Variants in CCT8 observed in about 807,000 individuals in gnomAD.
CCT8 encodes the protein chaperonin containing TCP1 subunit 8, also known as T-complex protein 1 subunit theta.
Under a neutral mutation model 65.7 loss-of-function variants are expected in CCT8, and 10 were observed. The observed-to-expected ratio is 0.15, with a 90% CI of 0.09 to 0.26. CCT8 has a LOEUF of 0.26. Among genes scored for constraint, CCT8 ranks in the 10% least tolerant of loss-of-function variants. The pLI is 1.00. For missense variants in CCT8, 568 were observed against 669.1 expected, an observed-to-expected ratio of 0.85 and a Z score of 1.67; for synonymous variants, 199 against 221.8, an observed-to-expected ratio of 0.90 and a Z score of 0.92.
At chr21:29,065,192 C>A in intron 6 of CCT8, 87 bp from the exon 7 acceptor site, 2 of 1,394,406 alleles carry the variant, frequency 1.4e-6, no homozygotes, top group Non-Finnish European at 1.0e-6. Context: ...CCAAAAATAT[C>A]CCTTTCTAAA....
chr21:29,059,786 A>T (rs767394112), intron 14 of CCT8: 9 of 152,188 alleles, frequency 5.9e-5, no homozygotes, highest in Non-Finnish European at 1.3e-4. Flanking sequence ...TAAATTTGTT[A>T]TAATTACCAC....
intron 7 of CCT8, among the ~76,000 whole-genome samples, chr21:29,064,134 G>A (rs1381236706): frequency 1.3e-5 from 2 of 152,076 alleles, no homozygotes; most frequent in Non-Finnish European, 2.9e-5. Flanking sequence ...GCTAACTAGT[G>A]TTCCCAATAC....
At chr21:29,057,141 T>C (rs1439497787) in intron 14 of CCT8, among the ~76,000 whole-genome samples, 1 of 150,912 alleles carries the variant, frequency 6.6e-6, no homozygotes, top group African/African-American at 2.4e-5. Flanking sequence ...CTCACCTTAC[T>C]TTATCTAAAA....
rs1443646428 is a variant in CCT8, at chr21:29,063,340, G to A, written c.941+12C>T. The A allele has an allele frequency of 1.9e-6, 3 of 1,599,310 alleles. No individual in the cohort carries two copies. The highest frequency in any genetic ancestry group is 2.6e-6 in the Non-Finnish European group (3 of 1,174,578). The stretch of plus-strand genomic sequence containing the variant: ...ATGATATAGGTAAAAAAAAAAATCG[G>A]CTTTTTCTTACCTCACTAACATGAT... On this transcript the variant is annotated intron_variant, in intron 8 of 14. Transcript: ENST00000286788.
chr21:29,070,743 G>A (rs1168634027), intron 1 of CCT8, among the ~76,000 whole-genome samples: 2 of 152,110 alleles, frequency 1.3e-5, no homozygotes, highest in Non-Finnish European at 2.9e-5. Flanking sequence ...TTTATTAAAA[G>A]TAGTGAAAAG....
intron 14 of CCT8, among the ~76,000 whole-genome samples, chr21:29,057,649 AATAT>A (rs552401896): frequency 1.7e-5 from 2 of 119,308 alleles, no homozygotes; most frequent in Admixed American, 8.5e-5. Context: ...AACATTTGAT[AATAT>A]ATATATGATA....
At chr21:29,073,176 A>T in intron 1 of CCT8, 1 of 800,760 alleles carries the variant, frequency 1.2e-6, no homozygotes, top group Non-Finnish European at 1.6e-6. Flanking sequence ...AGACAATTTC[A>T]TCTACGTTAT....
At chr21:29,066,248 A>T (rs1286513739) in intron 6 of CCT8, among the ~76,000 whole-genome samples, 1 of 152,138 alleles carries the variant, frequency 6.6e-6, no homozygotes, top group Non-Finnish European at 1.5e-5. Context: ...TTACAAAATA[A>T]TGCCTCAAAG....
Position 29,065,115 on chromosome 21 carries a change from T to G in CCT8, c.625-10A>C. The stretch of plus-strand genomic sequence containing the variant: ...AACTGATACCAGAGCCCTAAGGAAT[T>G]GAATACCAAACTCATCAGCAATCTC... On this transcript the variant is annotated splice_polypyrimidine_tract_variant and intron_variant, in intron 6 of 14. Coordinates refer to ENST00000286788, the MANE Select transcript of CCT8 (RefSeq NM_006585.4). 1 of 1,613,136 alleles carries G rather than the reference T, an allele frequency of 6.2e-7. No individual in the cohort carries two copies. The highest frequency in any genetic ancestry group is 8.5e-7 in the Non-Finnish European group (1 of 1,179,570).
At chr21:29,066,616 G>T in intron 6 of CCT8, 100 bp downstream of exon 6, 1 of 691,664 alleles carries the variant, frequency 1.4e-6, no homozygotes, top group East Asian at 2.6e-5. Context: ...GTAACATTTA[G>T]GTTTAGATGA....
At chr21:29,066,839 A>G in intron 5 of CCT8, 52 bp downstream of exon 5, 1 of 1,573,130 alleles carries the variant, frequency 6.4e-7, no homozygotes, top group Non-Finnish European at 8.7e-7. Context: ...GTATCTAGTC[A>G]TGTTAAAGGT....
intron 1 of CCT8, chr21:29,072,236 G>A: frequency 2.8e-6 from 1 of 362,736 alleles, no homozygotes; most frequent in South Asian, 7.2e-5. Flanking sequence ...CTCTACTATA[G>A]TGCAGTTTCT....
At chr21:29,057,748 T>TATGATATATATATCATAC (rs1568907715) in intron 14 of CCT8, among the ~76,000 whole-genome samples, 1 of 92,182 alleles carries the variant, frequency 1.1e-5, no homozygotes, top group Non-Finnish European at 3.2e-5. Flanking sequence ...ATATATCATG[T>TATGATATATATATCATAC]ATATGTATGA....
chr21:29,056,957 T>G (rs1001857996), intron 14 of CCT8, among the ~76,000 whole-genome samples: 1 of 152,144 alleles, frequency 6.6e-6, no homozygotes, highest in South Asian at 2.1e-4. Flanking sequence ...GTTTAGGAGC[T>G]TTAGGCCCAC....
intron 6 of CCT8, among the ~76,000 whole-genome samples, chr21:29,066,225 C>CA (rs1245407945): frequency 6.6e-6 from 1 of 151,990 alleles, no homozygotes; most frequent in Non-Finnish European, 1.5e-5. Context: ...TACAACTTAG[C>CA]AACATCAAAA....
chr21:29,066,945 T>C lies in CCT8; in HGVS notation c.508A>G (p.Ser170Gly). 1 of 1,613,070 alleles carries C rather than the reference T, an allele frequency of 6.2e-7. No individual in the cohort carries two copies. The highest frequency in any genetic ancestry group is 8.5e-7 in the Non-Finnish European group (1 of 1,179,166). ...VSSLLRTSIM[S>G]KQYGNEVFLA... is the part of the protein sequence containing the mutation. ...AATACTTCATTACCATATTGTTTACTCATTATGGAGGTACGAAGTAGAGAT... is the reference window on the plus strand; with the variant it reads ...AATACTTCATTACCATATTGTTTACCCATTATGGAGGTACGAAGTAGAGAT... The change falls in exon 5 of 15, where the codon AGT becomes GGT. Residue 170 changes from serine to glycine, a missense_variant. Transcript: ENST00000286788.
At chr21:29,065,190 A>G (rs2146432845) in intron 6 of CCT8, 85 bp from the exon 7 acceptor site, 2 of 1,399,154 alleles carry the variant, frequency 1.4e-6, no homozygotes, top group East Asian at 2.3e-5. Flanking sequence ...TACCAAAAAT[A>G]TCCCTTTCTA....
At chr21:29,068,966 G>T (rs73192135) in intron 3 of CCT8, among the ~76,000 whole-genome samples, 3 of 152,170 alleles carry the variant, frequency 2.0e-5, no homozygotes, top group Non-Finnish European at 4.4e-5. Flanking sequence ...TTATAACCCT[G>T]CTGGCAGGCA....
chr21:29,070,291 C>A lies in CCT8; in HGVS notation c.107G>T (p.Cys36Phe), dbSNP rs748797948. 4 of 1,612,388 alleles carry A rather than the reference C, an allele frequency of 2.5e-6. No homozygotes were observed. The highest frequency in any genetic ancestry group is 2.2e-5 in the East Asian group (1 of 44,808). ...EEAVYRNIQA[C>F]KELAQTTRTA... ...ACGAGTGGTTTGGGCAAGCTCCTTG[C>A]AAGCTTGTATGTTTCTATACACAGC... The change falls in exon 2 of 15, where the codon TGC becomes TTC. Residue 36 changes from cysteine to phenylalanine, a missense_variant. Physicochemically the swap from Cys to Phe is radical, Grantham distance 205. Transcript: ENST00000286788.
Sources: allele counts gnomAD v4.1 joint callset (sites outside exome capture counted in the v4.1 genomes callset), GRCh38; gene constraint gnomAD v4.1.1; transcripts MANE v1.5; gene names NCBI Gene and HGNC (gene_info 2026-07-23, HGNC 2026-07-21).